The following AMMECR1 variants were observed in gnomAD, a reference collection of about 807,000 sequenced individuals.
AMMECR1 encodes nuclear protein AMMECR1.
In AMMECR1, 3 loss-of-function variants were observed where a neutral mutation model predicts 22.5. That is an observed-to-expected ratio of 0.13 (90% CI 0.06 to 0.35). AMMECR1 has a LOEUF of 0.35. Among genes scored for constraint, AMMECR1 ranks in the 10% least tolerant of loss-of-function variants. AMMECR1 has a pLI of 1.00. For missense variants in AMMECR1, 235 were observed against 278.7 expected (o/e 0.84, Z 1.12); for synonymous variants, 130 against 116.7 (o/e 1.11, Z -0.74).
At chrX:110,430,428 A>C (rs147178690) in intron 1 of AMMECR1, among the ~76,000 whole-genome samples, 1 of 112,601 alleles carries the variant, frequency 8.9e-6, no homozygotes, top group East Asian at 2.8e-4. Flanking sequence ...TTATCTTCAC[A>C]TTACAGAGGA....
At position 110,287,689 on chromosome X, in the gene AMMECR1, C is replaced by T. The variant is rs574132586; in HGVS notation, c.474-23090G>A. Among the ~76,000 whole-genome samples, 14 of 111,784 alleles carry T rather than the reference C, an allele frequency of 1.3e-4. No individual in the cohort carries two copies. The South Asian group carries it at 5.0e-3, about 40-fold the overall frequency. On this transcript the variant is annotated intron_variant, in intron 1 of 5. Coordinates refer to ENST00000262844, the MANE Select transcript of AMMECR1 (RefSeq NM_015365.3). ...ACCCCTGAAAGACTTAGTCTGTTAC[C>T]GGGAAGCAAGTCAAAACTAGGTATT...
chrX:110,385,014 T>C (rs1022794867), intron 2 of AMMECR1, among the ~76,000 whole-genome samples: 16 of 111,054 alleles, frequency 1.4e-4, no homozygotes, highest in Admixed American at 1.1e-3. Context: ...CTATCATAGT[T>C]CCAGCAGAAT....
intron 2 of AMMECR1, among the ~76,000 whole-genome samples, chrX:110,358,323 T>C (rs1483028144): frequency 3.6e-5 from 4 of 111,693 alleles, no homozygotes; most frequent in Non-Finnish European, 7.5e-5. Flanking sequence ...GACAGAGGAA[T>C]AGTGGATAAG....
chrX:110,403,264 G>C (rs774865354), intron 2 of AMMECR1, among the ~76,000 whole-genome samples: 1 of 112,123 alleles, frequency 8.9e-6, no homozygotes, highest in African/African-American at 3.2e-5. Flanking sequence ...AAATTTGTGG[G>C]CATATTCATA....
intron 2 of AMMECR1, among the ~76,000 whole-genome samples, chrX:110,362,137 T>C (rs1204039884): frequency 8.9e-6 from 1 of 111,765 alleles, no homozygotes; most frequent in Non-Finnish European, 1.9e-5. Context: ...AGCTGTGGAA[T>C]AAAAAATATA....
intron 2 of AMMECR1, among the ~76,000 whole-genome samples, chrX:110,390,551 G>C (rs974904826): frequency 9.0e-6 from 1 of 110,984 alleles, no homozygotes; most frequent in Non-Finnish European, 1.9e-5. Flanking sequence ...ATGCCCAGAG[G>C]ATATCAGGGG....
rs902856586 is a variant in AMMECR1 at position 110,197,092 on chromosome X, C to A, written c.*1428G>T. On this transcript the variant is annotated 3_prime_UTR_variant, in exon 6 of 6. Transcript: ENST00000262844. ...TTTTTCCTGGGGATATATGTATGGACCTCCTATCGACATCAGTAAGTTATC... is the reference window on the plus strand; with the variant it reads ...TTTTTCCTGGGGATATATGTATGGAACTCCTATCGACATCAGTAAGTTATC... 1 of 112,013 alleles carries A rather than the reference C, an allele frequency of 8.9e-6. No individual in the cohort carries two copies. The highest frequency in any genetic ancestry group is 1.9e-5 in the Non-Finnish European group (1 of 53,100). 9.2% of individuals were successfully genotyped at this position (112,013 alleles called of 1,213,427 possible).
chrX:110,243,994 TAACA>T (rs1159353576), intron 2 of AMMECR1, among the ~76,000 whole-genome samples: 3 of 111,736 alleles, frequency 2.7e-5, no homozygotes, highest in Non-Finnish European at 5.6e-5. Flanking sequence ...AATGACTCTT[TAACA>T]AACAATGTGT....
At chrX:110,206,680 A>G (rs1265964817) in intron 3 of AMMECR1, among the ~76,000 whole-genome samples, 1 of 111,967 alleles carries the variant, frequency 8.9e-6, no homozygotes, top group East Asian at 2.8e-4. Context: ...AATTATCTCC[A>G]TAGTCCTGAC....
chrX:110,233,078 T>C (rs1298453706), intron 2 of AMMECR1, among the ~76,000 whole-genome samples: 2 of 109,022 alleles, frequency 1.8e-5, no homozygotes, highest in African/African-American at 3.4e-5. Context: ...ACAAAACTGA[T>C]AGACCGCTAG....
intron 2 of AMMECR1, among the ~76,000 whole-genome samples, chrX:110,342,415 G>A (rs2068168381): frequency 9.0e-6 from 1 of 110,599 alleles, no homozygotes; most frequent in East Asian, 2.9e-4. Context: ...CTGTCACCCA[G>A]GCTGGAGTGC....
At chrX:110,290,346 CAT>C (rs757117071) in intron 1 of AMMECR1, among the ~76,000 whole-genome samples, 2 of 111,524 alleles carry the variant, frequency 1.8e-5, no homozygotes, top group South Asian at 3.7e-4. Context: ...TACAAGCAAA[CAT>C]AACCACCCGA....
chrX:110,367,986 A>ATTG (rs1369880824), intron 2 of AMMECR1, among the ~76,000 whole-genome samples: 6 of 100,047 alleles, frequency 6.0e-5, no homozygotes, highest in Non-Finnish European at 1.2e-4. Flanking sequence ...TATTATTATT[A>ATTG]TTATTATTAT....
chrX:110,224,008 A>T lies in AMMECR1; in HGVS notation c.585-7376T>A, dbSNP rs757296382. The stretch of plus-strand genomic sequence containing the variant: ...GATCATAACAGTACCCACCTAATGG[A>T]GCAACTGTAACAAATAAAATAATAA... On this transcript the variant is annotated intron_variant, in intron 2 of 5. Transcript: ENST00000262844. Among the ~76,000 whole-genome samples, 4 of 111,642 alleles carry T rather than the reference A, an allele frequency of 3.6e-5. No homozygotes were observed. In the East Asian group the frequency reaches 1.1e-3, roughly 31 times the overall value.
intron 2 of AMMECR1, among the ~76,000 whole-genome samples, chrX:110,360,921 C>G (rs962363565): frequency 4.5e-5 from 5 of 111,568 alleles, no homozygotes; most frequent in Non-Finnish European, 7.5e-5. Context: ...GGCTTGAAGC[C>G]TAAGATATCT....
intron 2 of AMMECR1, among the ~76,000 whole-genome samples, chrX:110,386,533 T>C (rs1283246764): frequency 9.0e-6 from 1 of 111,241 alleles, no homozygotes; most frequent in Non-Finnish European, 1.9e-5. Context: ...TTAAATTGGG[T>C]TGTCATTTTA....
intron 2 of AMMECR1, among the ~76,000 whole-genome samples, chrX:110,424,200 T>G (rs1287133585): frequency 9.0e-6 from 1 of 111,678 alleles, no homozygotes; most frequent in Non-Finnish European, 1.9e-5. Context: ...TCTGACTCAG[T>G]TACACTACAC....
At chrX:110,220,071 C>G (rs1045307064) in intron 2 of AMMECR1, among the ~76,000 whole-genome samples, 3 of 111,679 alleles carry the variant, frequency 2.7e-5, no homozygotes, top group Non-Finnish European at 5.7e-5. Flanking sequence ...TAACCAAGCT[C>G]TCTTTAGAAT....
chrX:110,253,003 C>T (rs989522617), intron 2 of AMMECR1, among the ~76,000 whole-genome samples: 10 of 111,898 alleles, frequency 8.9e-5, no homozygotes, highest in Non-Finnish European at 1.5e-4. Context: ...GGAAGCCAAG[C>T]TACATGTCTA....
Sources: gnomAD v4.1 joint callset for allele counts (sites outside exome capture counted in the v4.1 genomes callset) on GRCh38, gnomAD v4.1.1 for gene constraint, MANE v1.5 for transcripts, NCBI Gene and HGNC (gene_info 2026-07-23, HGNC 2026-07-21) for gene names.